TMEM232: variants seen among roughly 807,000 people sequenced by gnomAD.
TMEM232 encodes the protein transmembrane protein 232.
TMEM232 carries 80 observed loss-of-function variants against 78.8 expected under a neutral mutation model. The observed-to-expected ratio is 1.01, with a 90% CI of 0.85 to 1.22. The LOEUF (loss-of-function observed/expected upper bound fraction) is 1.22, where lower values mean the gene tolerates loss of function less well. Among genes scored for constraint, TMEM232 ranks in the 50% most tolerant of loss-of-function variants. The pLI, the probability that TMEM232 is intolerant of heterozygous loss-of-function variation, is 0.00. For missense variants in TMEM232, 881 were observed against 742.2 expected, an observed-to-expected ratio of 1.19 and a Z score of -2.17; for synonymous variants, 297 against 254.3, an observed-to-expected ratio of 1.17 and a Z score of -1.60.
At chr5:110,407,607 TTACAGGCA>T (rs1755838814) in intron 2 of TMEM232, among the ~76,000 whole-genome samples, 1 of 152,162 alleles carries the variant, frequency 6.6e-6, no homozygotes, top group Non-Finnish European at 1.5e-5. Flanking sequence ...CCACTCTTAG[TTACAGGCA>T]GATCATCCAG....
chr5:110,441,997 T>C (rs1759102060), intron 12 of TMEM232, among the ~76,000 whole-genome samples: 1 of 1,694 alleles, frequency 5.9e-4, no homozygotes. Context: ...GCCAGAGGTA[T>C]TGGAGCTCCA....
intron 8 of TMEM232, among the ~76,000 whole-genome samples, chr5:110,616,242 T>C (rs1359905993): frequency 2.0e-5 from 3 of 151,998 alleles, no homozygotes; most frequent in Admixed American, 2.0e-4. Flanking sequence ...ATGGACAGAA[T>C]AGAAAGACCA....
chr5:110,421,470 A>G (rs1333514827), intron 13 of TMEM232, among the ~76,000 whole-genome samples: 1 of 151,846 alleles, frequency 6.6e-6, no homozygotes, highest in Non-Finnish European at 1.5e-5. Context: ...AATACATTTG[A>G]TGAAGGAAAT....
At chr5:110,431,274 G>T (rs1389411730) in intron 12 of TMEM232, among the ~76,000 whole-genome samples, 1 of 151,562 alleles carries the variant, frequency 6.6e-6, no homozygotes, top group African/African-American at 2.4e-5. Flanking sequence ...AAAATTTGGG[G>T]CTCAAATCTA....
chr5:110,738,446 G>C (rs1378920318), upstream of TMEM232, among the ~76,000 whole-genome samples: 2 of 152,100 alleles, frequency 1.3e-5, no homozygotes, highest in Non-Finnish European at 1.5e-5. Context: ...ATTCGAGTAC[G>C]TGGGTTTCTT....
intron 1 of TMEM232, among the ~76,000 whole-genome samples, chr5:110,698,915 C>T (rs554494428): frequency 6.6e-6 from 1 of 152,124 alleles, no homozygotes; most frequent in Non-Finnish European, 1.5e-5. Context: ...GATAAAATTG[C>T]TCCAAAGTTA....
At chr5:110,433,402 G>A (rs1758072381) in intron 12 of TMEM232, among the ~76,000 whole-genome samples, 1 of 151,658 alleles carries the variant, frequency 6.6e-6, no homozygotes, top group Admixed American at 6.6e-5. Flanking sequence ...TGAAATCAAA[G>A]TAGAAATAAA....
intron 5 of TMEM232, among the ~76,000 whole-genome samples, chr5:110,636,905 G>A (rs1476382937): frequency 1.3e-5 from 2 of 152,002 alleles, no homozygotes; most frequent in African/African-American, 2.4e-5. Flanking sequence ...CATGTGCAAA[G>A]TATAAGCAAT....
intron 10 of TMEM232, among the ~76,000 whole-genome samples, chr5:110,574,405 GTTGGCC>G (rs1777334158): frequency 6.6e-6 from 1 of 152,056 alleles, no homozygotes; most frequent in South Asian, 2.1e-4. Flanking sequence ...CAAAGAGAGG[GTTGGCC>G]TTTGTCCTTG....
In TMEM232 at chr5:110,406,323, ATAT is replaced by A. The variant is rs1480866506; in HGVS notation, n.309-8472_309-8470del. ...ACACACACATATGTGTCTATATATA[ATAT>A]TTTCTGTATCTATTCATGTGTTAAT... On this transcript the variant is annotated intron_variant and non_coding_transcript_variant, in intron 2 of 8. Coordinates refer to the TMEM232 transcript ENST00000507188. 2.7e-5 allele frequency among the ~76,000 whole-genome samples: 4 copies of A among 147,494 alleles called. No individual in the cohort carries two copies. In the East Asian group the frequency reaches 7.9e-4, roughly 29 times the overall value.
rs570582053 is a variant in TMEM232, at chr5:110,568,753, C to A, written c.1277-128G>T. On this transcript the variant is annotated intron_variant, in intron 10 of 13. Coordinates refer to ENST00000455884, the MANE Select transcript of TMEM232 (RefSeq NM_001039763.4). Reference sequence around the variant, plus strand: ...ATATTCTAAAGTCTGAAATTCTAAGCTGTGGAAATTTCTGACCCTTCACTG... The same window carrying A: ...ATATTCTAAAGTCTGAAATTCTAAGATGTGGAAATTTCTGACCCTTCACTG... The A allele has an allele frequency of 3.3e-5, 32 of 973,378 alleles. No individual in the cohort carries two copies. In the African/African-American group the frequency reaches 5.2e-4, roughly 16 times the overall value. The allele number at this position is 973,378 out of a possible 1,614,324, so 60.3% of individuals were successfully genotyped here. A position where few individuals can be genotyped will look rare whatever the true frequency, so the allele number is the denominator to read the frequency against.
At chr5:110,586,594 A>ACC (rs1778845719) in intron 10 of TMEM232, among the ~76,000 whole-genome samples, 2 of 150,150 alleles carry the variant, frequency 1.3e-5, no homozygotes, top group African/African-American at 5.0e-5. Flanking sequence ...ACACACACAC[A>ACC]ATTACACATA....
intron 2 of TMEM232, among the ~76,000 whole-genome samples, chr5:110,398,710 AT>A (rs1755483062): frequency 6.6e-6 from 1 of 152,202 alleles, no homozygotes; most frequent in Non-Finnish European, 1.5e-5. Context: ...AAATCAAGAG[AT>A]TAAAATTACT....
chr5:110,427,300 TAAG>T (rs1264953922), intron 12 of TMEM232, among the ~76,000 whole-genome samples: 1 of 151,948 alleles, frequency 6.6e-6, no homozygotes, highest in Non-Finnish European at 1.5e-5. Context: ...TCACAAGGAA[TAAG>T]AAGGAATTAG....
In TMEM232 at chr5:110,420,526, ATG is replaced by A; in HGVS notation, c.*52_*53del. 1 of 1,104,592 alleles carries A rather than the reference ATG, an allele frequency of 9.1e-7. No homozygotes were observed. The highest frequency in any genetic ancestry group is 1.2e-6 in the Non-Finnish European group (1 of 826,966). The allele number at this position is 1,104,592 out of a possible 1,614,324, so 68.4% of individuals were successfully genotyped here. ...TAGCTATCTTGGTATTTTTCATCCT[ATG>A]TATTTCTGCCATGTAGTCCTCAATT... On this transcript the variant is annotated 3_prime_UTR_variant, in exon 14 of 14. Transcript: ENST00000455884.
intron 12 of TMEM232, among the ~76,000 whole-genome samples, chr5:110,425,177 G>A (rs1757101024): frequency 6.6e-6 from 1 of 152,064 alleles, no homozygotes. Context: ...CCACAACCCT[G>A]AAAGTTCTGG....
At chr5:110,699,654 C>A (rs759787982) in intron 1 of TMEM232, among the ~76,000 whole-genome samples, 2 of 151,804 alleles carry the variant, frequency 1.3e-5, no homozygotes, top group Non-Finnish European at 2.9e-5. Context: ...AACCATTTCT[C>A]GACTGAAAAA....
chr5:110,552,304 A>G (rs1021971110), intron 11 of TMEM232, among the ~76,000 whole-genome samples: 1 of 152,098 alleles, frequency 6.6e-6, no homozygotes, highest in Non-Finnish European at 1.5e-5. Context: ...AAAAAATACA[A>G]TGATAAAAAT....
rs1007205451 is a variant in TMEM232 at position 110,661,422 on chromosome 5, C to A, written c.125+5806G>T. Among the ~76,000 whole-genome samples, 7 of 152,076 alleles carry A rather than the reference C, an allele frequency of 4.6e-5. No homozygotes were observed. The South Asian group carries it at 1.0e-3, about 23-fold the overall frequency. On this transcript the variant is annotated intron_variant, in intron 2 of 13. Coordinates refer to ENST00000455884, the MANE Select transcript of TMEM232 (RefSeq NM_001039763.4). The stretch of plus-strand genomic sequence containing the variant: ...TACCTCTAGGTCTCAAGTAACCCCC[C>A]CCACCTCATCTTCCTGGGTAGCTGG...
Sources: allele counts gnomAD v4.1 joint callset (sites outside exome capture counted in the v4.1 genomes callset), GRCh38; gene constraint gnomAD v4.1.1; transcripts MANE v1.5; gene names NCBI Gene and HGNC (gene_info 2026-07-23, HGNC 2026-07-21).